The following SYNE2 variants were observed in gnomAD, a reference collection of about 807,000 sequenced individuals.
The protein encoded by SYNE2 is spectrin repeat containing nuclear envelope protein 2.
SYNE2 carries 431 observed loss-of-function variants against 856.3 expected under a neutral mutation model. The observed-to-expected ratio is 0.50, with a 90% CI of 0.47 to 0.55. The LOEUF is 0.55. Among genes scored for constraint, SYNE2 ranks in the 20% least tolerant of loss-of-function variants. The pLI, the probability that SYNE2 is intolerant of heterozygous loss-of-function variation, is 0.00. For missense variants in SYNE2, 8,129 were observed against 8,023.2 expected (o/e 1.01, Z -0.50); for synonymous variants, 2,923 against 2,872.3 (o/e 1.02, Z -0.56).
At chr14:64,214,149 A>T (rs2098655097) in intron 105 of SYNE2, 45 bp from the exon 106 acceptor site, 1 of 1,614,108 alleles carries the variant, frequency 6.2e-7, no homozygotes, top group African/African-American at 1.3e-5. Context: ...TAATTGCAGA[A>T]GCCTATGAGT....
intron 1 of SYNE2, among the ~76,000 whole-genome samples, chr14:63,890,718 T>G (rs1219066254): frequency 5.3e-5 from 8 of 152,230 alleles, no homozygotes; most frequent in African/African-American, 1.7e-4. Context: ...CTAGGCTCAC[T>G]TATCCTGGCA....
chr14:64,076,027 A>G lies in SYNE2; in HGVS notation c.10949A>G (p.Tyr3650Cys). 6.2e-7 allele frequency: 1 copy of G among 1,613,988 alleles called. No individual in the cohort carries two copies. Among genetic ancestry groups the G allele is most frequent in the Non-Finnish European group, 8.5e-7 (1 of 1,179,872 alleles). ...EKLRIKYSEM[Y>C]TIVPAEIESQ... ...CTGCGAATCAAGTATTCCGAAATGT[A>G]CACCATAGTCCCTGCAGAGATTGAA... The change falls in exon 54 of 116, where the codon TAC becomes TGC. Residue 3650 changes from tyrosine to cysteine, a missense_variant. By Grantham distance (194) the Tyr-to-Cys change is radical. This residue lies in a region of SYNE2 where 5,410 missense variants were observed against 5,284.8 expected (regional missense o/e 1.02). Transcript: ENST00000555002.
At position 63,941,953 on chromosome 14, in the gene SYNE2, A is replaced by C; in HGVS notation, c.306A>C (p.Arg102Ser). 1 of 1,612,526 alleles carries C rather than the reference A, an allele frequency of 6.2e-7. No individual in the cohort carries two copies. The highest frequency in any genetic ancestry group is 8.5e-7 in the Non-Finnish European group (1 of 1,179,454). The change falls in exon 5 of 116, where the codon AGA becomes AGC. Residue 102 changes from arginine to serine, a missense_variant. Coordinates refer to ENST00000555002, the MANE Select transcript of SYNE2 (RefSeq NM_182914.3). Reference sequence around the variant, plus strand: ...TAGAACATGCCTTGACATTCCTAAGAAACCGATCAGTAAGTATAAATTTTT... The same window carrying C: ...TAGAACATGCCTTGACATTCCTAAGCAACCGATCAGTAAGTATAAATTTTT... ...INIEHALTFLRNRSIKLINIH... is the reference protein window; with the variant it reads ...INIEHALTFLSNRSIKLINIH...
chr14:63,853,187 C>G (rs1890789151), intron 1 of SYNE2, 44 bp downstream of exon 1: 2 of 145,428 alleles, frequency 1.4e-5, no homozygotes, highest in African/African-American at 5.0e-5. Flanking sequence ...CGGTGCGCCC[C>G]GGAGAGAGTG....
chr14:64,214,539 C>T (rs1392611498), intron 106 of SYNE2, 69 bp downstream of exon 106: 9 of 1,462,142 alleles, frequency 6.2e-6, no homozygotes, highest in Middle Eastern at 2.4e-4. Context: ...CTTAGCAACA[C>T]GGCCAGCTCT....
Position 64,098,736 on chromosome 14 carries a change from G to A in SYNE2, c.12307-11G>A, listed in dbSNP as rs199598529. 1.5e-5 allele frequency: 24 copies of A among 1,613,628 alleles called. No homozygotes were observed. The highest frequency in any genetic ancestry group is 1.9e-5 in the Non-Finnish European group (22 of 1,179,930). On this transcript the variant is annotated splice_polypyrimidine_tract_variant and intron_variant, in intron 62 of 115. Transcript: ENST00000555002. ...AGCAGACTGCAGGTATTCTTGTGCT[G>A]TGCCTTTCAGTTGAACAGAAGAGGC...
chr14:64,055,186 T>C (rs1274591795), intron 48 of SYNE2, among the ~76,000 whole-genome samples: 2 of 152,204 alleles, frequency 1.3e-5, no homozygotes, highest in Non-Finnish European at 2.9e-5. Context: ...CTAGAGATTT[T>C]GTTTTCTTTT....
intron 99 of SYNE2, among the ~76,000 whole-genome samples, chr14:64,194,923 A>G (rs1381093897): frequency 6.6e-5 from 10 of 152,152 alleles, no homozygotes; most frequent in Non-Finnish European, 1.5e-4. Context: ...TTAAAAACCC[A>G]GTAGTTGAAC....
chr14:63,843,604 A>C (rs1216587918), intron 1 of SYNE2, among the ~76,000 whole-genome samples: 1 of 152,152 alleles, frequency 6.6e-6, no homozygotes, highest in African/African-American at 2.4e-5. Flanking sequence ...CTAAGTGATT[A>C]AGGTGCTGAG....
intron 1 of SYNE2, among the ~76,000 whole-genome samples, chr14:63,882,426 T>C (rs897207756): frequency 6.6e-6 from 1 of 152,084 alleles, no homozygotes; most frequent in South Asian, 2.1e-4. Context: ...ATGAGTAACA[T>C]GTGGAGGCCG....
chr14:63,975,842 C>T (rs911372661), intron 11 of SYNE2, among the ~76,000 whole-genome samples: 2 of 152,154 alleles, frequency 1.3e-5, no homozygotes, highest in Non-Finnish European at 2.9e-5. Flanking sequence ...GCTCTTAGCA[C>T]AATAGGTTGT....
At chr14:63,887,335 T>C (rs558870453) in intron 1 of SYNE2, among the ~76,000 whole-genome samples, 2 of 152,212 alleles carry the variant, frequency 1.3e-5, no homozygotes, top group Non-Finnish European at 2.9e-5. Flanking sequence ...TAATAATCAT[T>C]TGGAGAAAGA....
At chr14:64,031,428 G>A in intron 45 of SYNE2, 71 bp downstream of exon 45, 3 of 1,358,856 alleles carry the variant, frequency 2.2e-6, no homozygotes, top group Non-Finnish European at 2.1e-6. Context: ...CTGAAAAGAG[G>A]GTCGTGAATC....
In SYNE2 at chr14:64,003,127, C is replaced by T. The variant is rs763613604; in HGVS notation, c.4194C>T (p.Ser1398=). ...ATGCTGAACGGGGTGATGACACCTC[C>T]TGTGAAAACCTGCTTGATGCTTTTT... is the stretch of plus-strand genomic sequence containing the variant. ...FKDAERGDDT[S]CENLLDAFSI... Residue 1398 remains serine, a synonymous_variant, in exon 30 of 116, where the codon TCC becomes TCT. Coordinates refer to ENST00000555002, the MANE Select transcript of SYNE2 (RefSeq NM_182914.3). 5 of 1,614,014 alleles carry T rather than the reference C, an allele frequency of 3.1e-6. No individual in the cohort carries two copies. The South Asian group carries it at 5.5e-5, about 18-fold the overall frequency.
rs138323662 is a variant in SYNE2 at position 64,167,344 on chromosome 14, C to T, written c.16717C>T (p.Arg5573Trp). 38 of 1,614,056 alleles carry T rather than the reference C, an allele frequency of 2.4e-5. No individual in the cohort carries two copies. The highest frequency in any genetic ancestry group is 8.3e-5 in the Admixed American group (5 of 60,002). Residue 5573 changes from arginine (R) to tryptophan (W), a missense_variant, in exon 91 of 116, where the codon CGG (arginine) becomes TGG (tryptophan). By Grantham distance (101) the Arg-to-Trp change is moderately radical. This residue lies in a region of SYNE2 where 5,410 missense variants were observed against 5,284.8 expected (regional missense o/e 1.02). Coordinates refer to ENST00000555002, the MANE Select transcript of SYNE2 (RefSeq NM_182914.3). The part of the protein sequence containing the change: ...VAVKTLQNMN[R>W]QWIRATATAL... Reference sequence around the variant, plus strand: ...TGTGAAGACGTTACAAAATATGAACCGGCAATGGATTCGGGCCACGGCCAC... The same window carrying T: ...TGTGAAGACGTTACAAAATATGAACTGGCAATGGATTCGGGCCACGGCCAC...
At chr14:63,779,812 G>A (rs1256045523) in intron 1 of SYNE2, among the ~76,000 whole-genome samples, 1 of 152,188 alleles carries the variant, frequency 6.6e-6, no homozygotes, top group Non-Finnish European at 1.5e-5. Context: ...TCAGGAGGCT[G>A]AGGCAGGAGA....
At chr14:63,781,849 A>G (rs1887324158) in intron 1 of SYNE2, among the ~76,000 whole-genome samples, 1 of 152,090 alleles carries the variant, frequency 6.6e-6, no homozygotes, top group South Asian at 2.1e-4. Context: ...CAAATTGGAA[A>G]AGTGTTTAAA....
intron 65 of SYNE2, 147 bp from the exon 66 acceptor site, chr14:64,113,194 T>C (rs2097825942): frequency 1.3e-6 from 2 of 1,504,258 alleles, no homozygotes; most frequent in East Asian, 2.5e-5. Context: ...TTGCTATGAG[T>C]GTGGAGGTGC....
chr14:63,898,507 C>T (rs557715066), intron 1 of SYNE2, among the ~76,000 whole-genome samples: 3 of 152,124 alleles, frequency 2.0e-5, no homozygotes, highest in South Asian at 4.2e-4. Context: ...CTGGCTCAAG[C>T]GATCCACCCG....
Sources: gnomAD v4.1 joint callset for allele counts (sites outside exome capture counted in the v4.1 genomes callset) on GRCh38, gnomAD v4.1.1 for gene constraint, gnomAD v4.1.1 regional missense constraint, MANE v1.5 for transcripts, NCBI Gene and HGNC (gene_info 2026-07-23, HGNC 2026-07-21) for gene names.